The following VSTM2B variants were observed in gnomAD, a reference collection of about 807,000 sequenced individuals.
The protein encoded by VSTM2B is V-set and transmembrane domain-containing protein 2B.
In VSTM2B, 24 loss-of-function variants were observed where a neutral mutation model predicts 24.0. The ratio of observed to expected loss-of-function variants is 1.00; its 90% confidence interval spans 0.72 to 1.40. VSTM2B has a LOEUF of 1.40. Among genes scored for constraint, VSTM2B ranks in the 40% most tolerant of loss-of-function variants. The pLI is 0.00. For missense variants in VSTM2B, 399 were observed against 416.4 expected (o/e 0.96, Z 0.36); for synonymous variants, 226 against 194.4 (o/e 1.16, Z -1.35).
chr19:29,528,492 G>C, intron 3 of VSTM2B, 30 bp downstream of exon 3: 2 of 1,550,502 alleles, frequency 1.3e-6, no homozygotes, highest in Non-Finnish European at 1.7e-6. Context: ...CGGGCCGCGG[G>C]AGACCCCTTC....
intron 4 of VSTM2B, among the ~76,000 whole-genome samples, chr19:29,532,736 C>T (rs1412500047): frequency 6.6e-6 from 1 of 152,182 alleles, no homozygotes. Flanking sequence ...TTATTATCAC[C>T]CTGGTCATTA....
chr19:29,526,832 G>A lies in VSTM2B; in HGVS notation c.82+167G>A. On this transcript the variant is annotated intron_variant, in intron 1 of 4. Transcript: ENST00000335523. The surrounding 1 kb of genome is among the most constrained non-coding windows in gnomAD (Gnocchi z 4.1). The stretch of plus-strand genomic sequence containing the variant: ...AGGGAGAGGCGAGCGGCGAAGGGTC[G>A]CCGCAGCAGCAGCGCCGCGCCCGAG... The A allele has an allele frequency of 1.7e-6, 1 of 587,912 alleles. No individual in the cohort carries two copies. The highest frequency in any genetic ancestry group is 2.7e-6 in the Non-Finnish European group (1 of 363,674). The allele number at this position is 587,912 out of a possible 1,614,324, so 36.4% of individuals were successfully genotyped here.
intron 4 of VSTM2B, among the ~76,000 whole-genome samples, chr19:29,537,087 G>A (rs193047645): frequency 2.8e-4 from 43 of 152,320 alleles, no homozygotes; most frequent in African/African-American, 7.5e-4. Context: ...ATCCAGAGTG[G>A]TGAGAAGGCT....
intron 4 of VSTM2B, among the ~76,000 whole-genome samples, chr19:29,536,154 T>C (rs1464611474): frequency 6.6e-6 from 1 of 152,204 alleles, no homozygotes; most frequent in Admixed American, 6.5e-5. Context: ...GGGAGCCTTC[T>C]GGGCCCAGCC....
chr19:29,533,282 T>C (rs1568438705), intron 4 of VSTM2B, among the ~76,000 whole-genome samples: 2 of 152,210 alleles, frequency 1.3e-5, no homozygotes, highest in Non-Finnish European at 2.9e-5. Context: ...GAGGGGCTGA[T>C]GTCCACTGCC....
At chr19:29,545,993 G>A (rs539689383) in intron 4 of VSTM2B, among the ~76,000 whole-genome samples, 127 of 152,268 alleles carry the variant, frequency 8.3e-4, no homozygotes, top group South Asian at 2.7e-3. Flanking sequence ...TGCTGCCCCC[G>A]CCCAGGTGAG....
At chr19:29,531,649 G>A (rs1204722261) in intron 4 of VSTM2B, among the ~76,000 whole-genome samples, 1 of 152,226 alleles carries the variant, frequency 6.6e-6, no homozygotes, top group Non-Finnish European at 1.5e-5. Context: ...ATCCGTCTTG[G>A]ATGCCACACA....
intron 4 of VSTM2B, among the ~76,000 whole-genome samples, chr19:29,552,136 C>G (rs1366059388): frequency 2.6e-5 from 4 of 152,228 alleles, no homozygotes; most frequent in African/African-American, 9.6e-5. Flanking sequence ...CAGGTGGACA[C>G]AGGGCTGCAA....
intron 4 of VSTM2B, among the ~76,000 whole-genome samples, chr19:29,562,157 G>A (rs981072087): frequency 1.5e-4 from 23 of 152,196 alleles, no homozygotes; most frequent in African/African-American, 5.5e-4. Context: ...GTGGTCAGGT[G>A]GAATCCTGGA....
In VSTM2B at chr19:29,529,898, A is replaced by T. The variant is rs1473701991; in HGVS notation, c.377A>T (p.Glu126Val). Residue 126 changes from glutamate (E) to valine (V), a missense_variant, in exon 4 of 5, where the codon GAG becomes GTG. Transcript: ENST00000335523. ...CGGCTGCAGGACGAGGGCGTGTACG[A>T]GTGCCGCGTGTCGGACTACAGCGAC... ...AVRLQDEGVYECRVSDYSDDD... is the reference protein window; with the variant it reads ...AVRLQDEGVYVCRVSDYSDDD... 1.9e-6 allele frequency: 3 copies of T among 1,550,226 alleles called. No homozygotes were observed. The highest frequency in any genetic ancestry group is 2.6e-6 in the Non-Finnish European group (3 of 1,146,870).
intron 4 of VSTM2B, among the ~76,000 whole-genome samples, chr19:29,535,720 T>C (rs183123429): frequency 1.5e-3 from 232 of 152,114 alleles, no homozygotes; most frequent in African/African-American, 5.3e-3. Flanking sequence ...CCGGTGGTGA[T>C]AGAGCTGAAG....
At chr19:29,537,683 C>A (rs1765637001) in intron 4 of VSTM2B, among the ~76,000 whole-genome samples, 1 of 151,604 alleles carries the variant, frequency 6.6e-6, no homozygotes, top group African/African-American at 2.4e-5. Flanking sequence ...GGAAGCTTTT[C>A]CCCACAACCA....
At chr19:29,562,040 C>A (rs1417122181) in intron 4 of VSTM2B, among the ~76,000 whole-genome samples, 1 of 152,178 alleles carries the variant, frequency 6.6e-6, no homozygotes, top group African/African-American at 2.4e-5. Context: ...TCAGCCGGGG[C>A]CCAGAACTGT....
chr19:29,543,349 G>C (rs1398950639), intron 4 of VSTM2B, among the ~76,000 whole-genome samples: 1 of 152,168 alleles, frequency 6.6e-6, no homozygotes, highest in Non-Finnish European at 1.5e-5. Flanking sequence ...AATTTTCAGA[G>C]CACTATCCCT....
Position 29,534,648 on chromosome 19 carries a change from G to A in VSTM2B, c.769+4358G>A, listed in dbSNP as rs142686146. Among the ~76,000 whole-genome samples, 26 of 151,946 alleles carry A rather than the reference G, an allele frequency of 1.7e-4. 1 individual carries two copies. The highest frequency in any genetic ancestry group is 6.0e-4 in the African/African-American group (25 of 41,416). On this transcript the variant is annotated intron_variant, in intron 4 of 4. Transcript: ENST00000335523. ...GGATAATAACTTGAACCTGGGAGGC[G>A]GAGTTTGAAGTGAGCCGAGATCGCG...
intron 4 of VSTM2B, among the ~76,000 whole-genome samples, chr19:29,555,933 A>G (rs1472686568): frequency 6.6e-6 from 1 of 152,146 alleles, no homozygotes; most frequent in East Asian, 1.9e-4. Context: ...ACCAACCAAC[A>G]AAAGCCTGGG....
intron 4 of VSTM2B, among the ~76,000 whole-genome samples, chr19:29,552,662 G>A (rs114997672): frequency 7.9e-5 from 12 of 152,336 alleles, no homozygotes; most frequent in Admixed American, 2.6e-4. Context: ...ACTGAGTTCC[G>A]GGGAGAGGGG....
rs190050438 is a variant in VSTM2B, at chr19:29,528,635, C to T, written c.297+173C>T. 5.7e-3 allele frequency among the ~76,000 whole-genome samples: 870 copies of T among 152,328 alleles called. 17 individuals are homozygous for T. The highest frequency in any genetic ancestry group is 0.02 in the African/African-American group (814 of 41,574). ...GGCGTGTCCGGGCGCCATCTGTCGC[C>T]GGTTGCAGGGTCGGGTTCTCTTTTG... On this transcript the variant is annotated intron_variant, in intron 3 of 4. Transcript: ENST00000335523.
chr19:29,530,164 G>C lies in VSTM2B; in HGVS notation c.643G>C (p.Val215Leu). 6.7e-7 allele frequency: 1 copy of C among 1,484,622 alleles called. No individual in the cohort carries two copies. The highest frequency in any genetic ancestry group is 1.3e-5 in the South Asian group (1 of 78,904). 92.0% of individuals were successfully genotyped at this position (1,484,622 alleles called of 1,614,324 possible). ...CCCTCCCGCCGCCATCGATCCCGCA[G>C]TCCCCGAGGCCGCGGCAGCCTCGGC... The part of the protein sequence containing the change: ...GSPPAAIDPA[V>L]PEAAAASAAH... The change falls in exon 4 of 5, where the codon GTC becomes CTC. Residue 215 changes from valine to leucine, a missense_variant. Val to Leu is a conservative substitution (Grantham distance 32, BLOSUM62 1). Coordinates refer to ENST00000335523, the MANE Select transcript of VSTM2B (RefSeq NM_001146339.2).
Sources: allele counts gnomAD v4.1 joint callset (sites outside exome capture counted in the v4.1 genomes callset), GRCh38; gene constraint gnomAD v4.1.1; non-coding constraint Gnocchi (gnomAD v3.1); transcripts MANE v1.5; gene names NCBI Gene and HGNC (gene_info 2026-07-23, HGNC 2026-07-21).